PRKAR1B: variants seen among roughly 807,000 people sequenced by gnomAD.
PRKAR1B encodes the protein protein kinase cAMP-dependent type I regulatory subunit beta.
A neutral mutation model predicts 46.5 loss-of-function variants in PRKAR1B; 22 were observed. The ratio of observed to expected loss-of-function variants is 0.47; its 90% CI spans 0.34 to 0.68. PRKAR1B has a LOEUF of 0.68. PRKAR1B is among the 30% of genes least tolerant of loss of function. The probability of loss-of-function intolerance (pLI) is 0.01; values close to 1 mark genes in which losing one functional copy is unlikely to be tolerated. For synonymous variants in PRKAR1B, 259 were observed against 217.7 expected (o/e 1.19, Z -1.67); for missense variants, 445 against 535.6 (o/e 0.83, Z 1.67).
At chr7:700,011 G>C (rs1486969542) in intron 2 of PRKAR1B, among the ~76,000 whole-genome samples, 2 of 152,170 alleles carry the variant, frequency 1.3e-5, no homozygotes, top group African/African-American at 2.4e-5. Context: ...AGAGAAACAG[G>C]CATATCTGTG....
At chr7:728,458 A>G (rs1391508899), upstream of PRKAR1B, among the ~76,000 whole-genome samples, 1 of 152,242 alleles carries the variant, frequency 6.6e-6, no homozygotes, top group Non-Finnish European at 1.5e-5. Flanking sequence ...AATAGATTCC[A>G]GAAGTAGAGG....
At chr7:640,659 A>G (rs1247827531) in intron 4 of PRKAR1B, among the ~76,000 whole-genome samples, 1 of 151,992 alleles carries the variant, frequency 6.6e-6, no homozygotes, top group Non-Finnish European at 1.5e-5. Flanking sequence ...GCTACTCGAG[A>G]GGCTGAGGCA....
intron 4 of PRKAR1B, chr7:607,789 C>T: frequency 3.9e-6 from 1 of 254,280 alleles, no homozygotes; most frequent in Non-Finnish European, 7.6e-6. Context: ...GAACATTCTC[C>T]CATCGGTAAA....
rs1044750764 is a variant in PRKAR1B at position 677,123 on chromosome 7, G to T, written c.440+106C>A. The T allele has an allele frequency of 6.5e-6, 7 of 1,080,388 alleles. No individual in the cohort carries two copies. In the African/African-American group the frequency reaches 1.1e-4, roughly 17 times the overall value. The allele number at this position is 1,080,388 out of a possible 1,614,324, so 66.9% of individuals were successfully genotyped here. On this transcript the variant is annotated intron_variant, in intron 4 of 10. Transcript: ENST00000537384. The stretch of plus-strand genomic sequence containing the variant: ...AACGGGGGCTGCCCACCTCCTGGAG[G>T]CCAGGGAGGGAGGCAGTGATGCCCA...
rs1287248333 is a variant in PRKAR1B, at chr7:703,401, C to T, written c.177+7928G>A. 2.6e-5 allele frequency among the ~76,000 whole-genome samples: 4 copies of T among 152,182 alleles called. No homozygotes were observed. The East Asian group carries it at 7.7e-4, about 29-fold the overall frequency. On this transcript the variant is annotated intron_variant, in intron 2 of 10. Transcript: ENST00000537384. Reference sequence around the variant, plus strand: ...GTGGCTCATGCCTGTAATCCCACCACTTTGGGAGGTTGAGGTGGGTGGATC... The same window carrying T: ...GTGGCTCATGCCTGTAATCCCACCATTTTGGGAGGTTGAGGTGGGTGGATC...
chr7:608,491 G>A (rs1480757188), intron 4 of PRKAR1B: 1 of 152,302 alleles, frequency 6.6e-6, no homozygotes, highest in African/African-American at 2.4e-5. Flanking sequence ...AATAGTGGTT[G>A]TTTTCTCTCT....
intron 4 of PRKAR1B, among the ~76,000 whole-genome samples, chr7:624,924 C>G (rs1195853417): frequency 1.3e-5 from 2 of 152,172 alleles, no homozygotes; most frequent in Non-Finnish European, 2.9e-5. Context: ...AAATAATTGA[C>G]ATTTACAGAC....
At chr7:657,727 T>C (rs1785288912) in intron 4 of PRKAR1B, among the ~76,000 whole-genome samples, 1 of 152,206 alleles carries the variant, frequency 6.6e-6, no homozygotes, top group African/African-American at 2.4e-5. Flanking sequence ...TCTTAGCAAC[T>C]GTTGCTTTTT....
At chr7:606,278 T>A (rs1782044698) in intron 5 of PRKAR1B, 39 bp from the exon 6 acceptor site, 1 of 1,595,776 alleles carries the variant, frequency 6.3e-7, no homozygotes, top group African/African-American at 1.3e-5. Flanking sequence ...ACAAAGTACA[T>A]CCAGACATAC....
Position 550,580 on chromosome 7 carries a change from G to A in PRKAR1B, c.996C>T (p.Asn332=). ...CCACGACAGTGGCCGCCCGGGGCCG[G>A]TTCAGCAGCAGTGCAATCTCCCCTG... ...DYFGEIALLL[N]RPRAATVVAR... The change falls in exon 11 of 11, where the codon AAC becomes AAT. Residue 332 remains asparagine, a synonymous_variant. Transcript: ENST00000537384. 6.3e-7 allele frequency: 1 copy of A among 1,589,698 alleles called. No individual in the cohort carries two copies. The highest frequency in any genetic ancestry group is 8.5e-7 in the Non-Finnish European group (1 of 1,170,468).
At chr7:696,169 G>A (rs1252112739) in intron 2 of PRKAR1B, among the ~76,000 whole-genome samples, 1 of 150,684 alleles carries the variant, frequency 6.6e-6, no homozygotes, top group East Asian at 2.0e-4. Context: ...TAGAAATGGT[G>A]TCTTGCTATG....
rs1784543076 is a variant in PRKAR1B, at chr7:644,717, A to G, written c.440+32512T>C. On this transcript the variant is annotated intron_variant, in intron 4 of 10. Coordinates refer to ENST00000537384, the MANE Select transcript of PRKAR1B (RefSeq NM_001164760.2). The surrounding 1 kb of genome is among the most constrained non-coding windows in gnomAD (Gnocchi z 4.9). Reference sequence around the variant, plus strand: ...CTGGGTGGCTGGACCACAGCCCAGCAAAGGGCAAACCCCAGCTCTCCCTCC... The same window carrying G: ...CTGGGTGGCTGGACCACAGCCCAGCGAAGGGCAAACCCCAGCTCTCCCTCC... Among the ~76,000 whole-genome samples the G allele has an allele frequency of 6.6e-6, 1 of 152,184 alleles. No individual in the cohort carries two copies. The highest frequency in any genetic ancestry group is 2.4e-5 in the African/African-American group (1 of 41,456).
At chr7:561,148 C>CA (rs1778769432) in intron 9 of PRKAR1B, among the ~76,000 whole-genome samples, 5 of 149,624 alleles carry the variant, frequency 3.3e-5, no homozygotes, top group African/African-American at 1.2e-4. Flanking sequence ...CACACACACA[C>CA]ACCTGTGCAC....
At chr7:726,599 C>G in intron 1 of PRKAR1B, 3 of 746,732 alleles carry the variant, frequency 4.0e-6, no homozygotes, top group African/African-American at 1.8e-5. Flanking sequence ...GGCCCACGTG[C>G]GCACCGGCGG....
chr7:556,602 G>A (rs887255120), intron 9 of PRKAR1B, among the ~76,000 whole-genome samples: 17 of 152,196 alleles, frequency 1.1e-4, no homozygotes, highest in African/African-American at 3.4e-4. Context: ...CAAAGGGGTC[G>A]GTCCCCGAGG....
chr7:632,636 T>C (rs1466402827), intron 4 of PRKAR1B, among the ~76,000 whole-genome samples: 4 of 152,226 alleles, frequency 2.6e-5, no homozygotes, highest in African/African-American at 9.6e-5. Context: ...GCCCTCATGA[T>C]GCTGCTGCGT....
At chr7:702,663 A>G (rs1240152721) in intron 2 of PRKAR1B, among the ~76,000 whole-genome samples, 2 of 152,094 alleles carry the variant, frequency 1.3e-5, no homozygotes, top group Non-Finnish European at 2.9e-5. Flanking sequence ...CTCTACTAAA[A>G]ATACAAAAAA....
At chr7:645,013 G>C (rs1330486542) in intron 4 of PRKAR1B, among the ~76,000 whole-genome samples, 1 of 152,188 alleles carries the variant, frequency 6.6e-6, no homozygotes, top group African/African-American at 2.4e-5. Flanking sequence ...CAGTGTGGAC[G>C]AGTGAGGGCA....
chr7:583,007 G>C (rs556221645), intron 8 of PRKAR1B, among the ~76,000 whole-genome samples: 4 of 152,214 alleles, frequency 2.6e-5, no homozygotes, highest in East Asian at 1.9e-4. Flanking sequence ...GAAACGTCCC[G>C]AGCAGGCAAA....
Sources: allele counts gnomAD v4.1 joint callset (sites outside exome capture counted in the v4.1 genomes callset), GRCh38; gene constraint gnomAD v4.1.1; non-coding constraint Gnocchi (gnomAD v3.1); transcripts MANE v1.5; gene names NCBI Gene and HGNC (gene_info 2026-07-23, HGNC 2026-07-21).